The following EFCAB13 variants were observed in gnomAD, a reference collection of about 807,000 sequenced individuals.
EFCAB13 encodes the protein EF-hand calcium-binding domain-containing protein 13.
Under a neutral mutation model 110.2 loss-of-function variants are expected in EFCAB13, and 91 were observed. The ratio of observed to expected loss-of-function variants is 0.83; its 90% CI spans 0.70 to 0.98. EFCAB13 has a LOEUF of 0.98. EFCAB13 is among the 50% of genes least tolerant of loss of function. The pLI, the probability that EFCAB13 is intolerant of heterozygous loss-of-function variation, is 0.00. For synonymous variants in EFCAB13, 323 were observed against 369.9 expected (o/e 0.87, Z 1.45); for missense variants, 968 against 1,119.4 (o/e 0.86, Z 1.93).
chr17:47,331,618 C>A (rs1447217511), intron 4 of EFCAB13, among the ~76,000 whole-genome samples: 1 of 152,094 alleles, frequency 6.6e-6, no homozygotes, highest in Non-Finnish European at 1.5e-5. Flanking sequence ...TTAGAGTTCA[C>A]TTTTGTTGTA....
intron 23 of EFCAB13, among the ~76,000 whole-genome samples, chr17:47,415,317 G>C (rs2143476336): frequency 6.6e-6 from 1 of 152,128 alleles, no homozygotes; most frequent in African/African-American, 2.4e-5. Flanking sequence ...CAGCACACCA[G>C]CATGGCACAT....
chr17:47,371,593 C>G (rs111960153), intron 11 of EFCAB13, among the ~76,000 whole-genome samples: 2 of 152,088 alleles, frequency 1.3e-5, no homozygotes, highest in Admixed American at 1.3e-4. Flanking sequence ...TTTCTGGGTT[C>G]TTTATTCTGT....
Position 47,328,336 on chromosome 17 carries a change from T to A in EFCAB13, c.-18T>A. 2.5e-6 allele frequency: 4 copies of A among 1,605,636 alleles called. No homozygotes were observed. Among genetic ancestry groups the A allele is most frequent in the Non-Finnish European group, 3.4e-6 (4 of 1,173,164 alleles). On this transcript the variant is annotated 5_prime_UTR_variant, in exon 4 of 25. Transcript: ENST00000331493. ...AGCCTGGAGTCCTTAAGGACAGAATTTACCTCTAAACAGAAAGATGGAAAC... is the reference window on the plus strand; with the variant it reads ...AGCCTGGAGTCCTTAAGGACAGAATATACCTCTAAACAGAAAGATGGAAAC...
In EFCAB13 at chr17:47,409,682, A is replaced by G; in HGVS notation, c.2269A>G (p.Lys757Glu). 6.2e-7 allele frequency: 1 copy of G among 1,610,456 alleles called. No homozygotes were observed. Among genetic ancestry groups the G allele is most frequent in the Non-Finnish European group, 8.5e-7 (1 of 1,176,840 alleles). ...AGAGGCTTCAAATCTAAAATTACCAAAGGTAAACGGTGAGTAAGAACTTTG... is the reference window on the plus strand; with the variant it reads ...AGAGGCTTCAAATCTAAAATTACCAGAGGTAAACGGTGAGTAAGAACTTTG... ...RKEASNLKLPKVNEIKEAANI... is the reference protein window; with the variant it reads ...RKEASNLKLPEVNEIKEAANI... The change falls in exon 21 of 25, where the codon AAG becomes GAG. Residue 757 changes from lysine to glutamate, a missense_variant. Transcript: ENST00000331493.
intron 14 of EFCAB13, among the ~76,000 whole-genome samples, chr17:47,389,804 A>T (rs1447827325): frequency 6.6e-6 from 1 of 151,970 alleles, no homozygotes; most frequent in Non-Finnish European, 1.5e-5. Context: ...GCTGCAAATG[A>T]TTTTCCATTT....
chr17:47,324,926 T>C (rs1052231372), intron 2 of EFCAB13, among the ~76,000 whole-genome samples: 1 of 147,480 alleles, frequency 6.8e-6, no homozygotes, highest in South Asian at 2.2e-4. Flanking sequence ...CATTGTCTCC[T>C]TACCACCCCA....
At chr17:47,369,581 G>C (rs959683840) in intron 10 of EFCAB13, 6 of 152,322 alleles carry the variant, frequency 3.9e-5, no homozygotes, top group Admixed American at 3.9e-4. Context: ...ATATCTTCCT[G>C]TTTCTGGAAA....
chr17:47,378,436 C>T (rs1157748758), intron 13 of EFCAB13, among the ~76,000 whole-genome samples: 1 of 152,070 alleles, frequency 6.6e-6, no homozygotes, highest in Non-Finnish European at 1.5e-5. Context: ...TTATTTTTAT[C>T]AGTAACTAAG....
intron 23 of EFCAB13, among the ~76,000 whole-genome samples, chr17:47,422,082 A>T (rs1904739206): frequency 1.3e-5 from 2 of 152,236 alleles, no homozygotes; most frequent in South Asian, 4.1e-4. Flanking sequence ...ATCTAGTGAT[A>T]TATAAAAAGG....
intron 17 of EFCAB13, among the ~76,000 whole-genome samples, chr17:47,400,505 G>A (rs2065772974): frequency 2.0e-5 from 3 of 152,234 alleles, no homozygotes; most frequent in South Asian, 4.1e-4. Context: ...TGGTAAACAG[G>A]TCCAAAGCTA....
intron 3 of EFCAB13, 51 bp from the exon 4 acceptor site, chr17:47,328,218 C>T (rs377684311): frequency 5.0e-6 from 4 of 802,654 alleles, no homozygotes; most frequent in South Asian, 3.0e-5. Context: ...AATATAATTG[C>T]TTAAGTGTTC....
chr17:47,424,900 T>TTTTTTTTTTTTTTG, intron 23 of EFCAB13, among the ~76,000 whole-genome samples: 1 of 101,014 alleles, frequency 9.9e-6, no homozygotes, highest in African/African-American at 4.4e-5. Context: ...TTTTTTTTTT[T>TTTTTTTTTTTTTTG]GAGACGGAGT....
chr17:47,356,553 A>AAAGAGTCCTGT (rs1491279871), intron 9 of EFCAB13, among the ~76,000 whole-genome samples: 1 of 152,166 alleles, frequency 6.6e-6, no homozygotes, highest in Non-Finnish European at 1.5e-5. Context: ...GAGTGTCTGC[A>AAAGAGTCCTGT]AAGAGTCCTG....
At chr17:47,351,505 A>G (rs1370899605) in intron 9 of EFCAB13, among the ~76,000 whole-genome samples, 1 of 152,014 alleles carries the variant, frequency 6.6e-6, no homozygotes, top group Non-Finnish European at 1.5e-5. Context: ...CAGTAGTTCT[A>G]TTTTTAGTTC....
At chr17:47,423,015 A>G (rs780040520) in intron 23 of EFCAB13, among the ~76,000 whole-genome samples, 7 of 152,338 alleles carry the variant, frequency 4.6e-5, no homozygotes, top group African/African-American at 7.2e-5. Flanking sequence ...TACCACTGCA[A>G]TGGAGCACGG....
intron 17 of EFCAB13, among the ~76,000 whole-genome samples, chr17:47,397,635 T>C (rs2065749044): frequency 6.9e-6 from 1 of 145,976 alleles, no homozygotes; most frequent in African/African-American, 2.6e-5. Flanking sequence ...GCCCATCGTC[T>C]GAGATGTGGG....
chr17:47,394,565 A>G (rs2065727127), intron 16 of EFCAB13, among the ~76,000 whole-genome samples: 1 of 152,178 alleles, frequency 6.6e-6, no homozygotes, highest in Admixed American at 6.5e-5. Flanking sequence ...GGTAATATGG[A>G]AAAGATAGTT....
rs548271723 is a variant in EFCAB13, at chr17:47,424,874, C to CTTTTTTTTTTTTTTTT, written c.2495-4933_2495-4918dup. The stretch of plus-strand genomic sequence containing the variant: ...AGGATTTCTTTCTCCGGTTGACAAT[C>CTTTTTTTTTTTTTTTT]TTTTTTTTTTTTTTTTTTTTTTTTT... On this transcript the variant is annotated intron_variant, in intron 23 of 24. Transcript: ENST00000331493. 3.1e-3 allele frequency among the ~76,000 whole-genome samples: 115 copies of CTTTTTTTTTTTTTTTT among 36,894 alleles called. 29 individuals are homozygous for CTTTTTTTTTTTTTTTT. Among genetic ancestry groups the CTTTTTTTTTTTTTTTT allele is most frequent in the African/African-American group, 9.7e-3 (79 of 8,114 alleles). The allele number at this position is 36,894 out of a possible 152,430, so 24.2% of individuals were successfully genotyped here. A position where few individuals can be genotyped will look rare whatever the true frequency, so the allele number is the denominator to read the frequency against.
chr17:47,328,480 A>C, intron 4 of EFCAB13, 97 bp downstream of exon 4: 1 of 993,768 alleles, frequency 1.0e-6, no homozygotes, highest in Non-Finnish European at 1.5e-6. Flanking sequence ...AAATTCATAG[A>C]GTAATAGTTA....
Sources: allele counts gnomAD v4.1 joint callset (sites outside exome capture counted in the v4.1 genomes callset), GRCh38; gene constraint gnomAD v4.1.1; transcripts MANE v1.5; gene names NCBI Gene and HGNC (gene_info 2026-07-23, HGNC 2026-07-21).